The following MSRA variants were observed in gnomAD, a reference collection of about 807,000 sequenced individuals.
MSRA encodes the protein methionine sulfoxide reductase A.
In MSRA, 54 loss-of-function variants were observed where a neutral mutation model predicts 31.3. That is an observed-to-expected ratio of 1.73 (90% CI 1.39 to 2.17). The LOEUF is 2.17. MSRA is among the 30% of genes most tolerant of loss of function. The probability of loss-of-function intolerance (pLI) is 0.00; values close to 1 mark genes in which losing one functional copy is unlikely to be tolerated. For synonymous variants in MSRA, 169 were observed against 116.5 expected (o/e 1.45, Z -2.90); for missense variants, 507 against 300.9 (o/e 1.69, Z -5.07).
intron 1 of MSRA, among the ~76,000 whole-genome samples, chr8:10,131,096 T>G (rs991929181): frequency 1.3e-5 from 2 of 152,216 alleles, no homozygotes; most frequent in Non-Finnish European, 2.9e-5. Flanking sequence ...TTCCTTTGTT[T>G]CTTATTTATT....
intron 1 of MSRA, among the ~76,000 whole-genome samples, chr8:10,068,283 C>A (rs1037761010): frequency 6.6e-6 from 1 of 152,092 alleles, no homozygotes; most frequent in African/African-American, 2.4e-5. Flanking sequence ...TTCTTATCTT[C>A]TTGACAGTAT....
intron 2 of MSRA, among the ~76,000 whole-genome samples, chr8:10,241,483 C>T (rs1038162027): frequency 2.0e-5 from 3 of 152,140 alleles, no homozygotes; most frequent in Non-Finnish European, 4.4e-5. Flanking sequence ...ATAGCAAGTT[C>T]GTCATCTTGA....
chr8:10,085,803 T>A (rs527237642), intron 1 of MSRA, among the ~76,000 whole-genome samples: 1 of 152,362 alleles, frequency 6.6e-6, no homozygotes, highest in South Asian at 2.1e-4. Flanking sequence ...TCCATAGTTA[T>A]CTTTTTAAAG....
chr8:10,317,690 C>G (rs1426638879), intron 4 of MSRA, among the ~76,000 whole-genome samples: 1 of 152,158 alleles, frequency 6.6e-6, no homozygotes, highest in African/African-American at 2.4e-5. Flanking sequence ...ACTGAAAGTC[C>G]ACTGCTTGCT....
chr8:10,391,792 C>T (rs1375601988), intron 5 of MSRA, among the ~76,000 whole-genome samples: 2 of 152,162 alleles, frequency 1.3e-5, no homozygotes, highest in African/African-American at 2.4e-5. Context: ...CTTCATTTGT[C>T]CCACGTGAAG....
chr8:10,136,203 C>A (rs1208471528), intron 1 of MSRA, among the ~76,000 whole-genome samples: 1 of 152,212 alleles, frequency 6.6e-6, no homozygotes, highest in African/African-American at 2.4e-5. Context: ...CAGAGAGGAG[C>A]TCTGCGGTGC....
rs374345620 is a variant in MSRA at position 10,145,827 on chromosome 8, C to CGT, written c.143-61991_143-61990dup. ...AGATGTACATACACCCGCATCTGCA[C>CGT]GTGTGTGTGTGTGTGTAATGATTTT... On this transcript the variant is annotated intron_variant, in intron 1 of 5. Coordinates refer to ENST00000317173, the MANE Select transcript of MSRA (RefSeq NM_012331.5). 9.8e-3 allele frequency among the ~76,000 whole-genome samples: 1,479 copies of CGT among 151,402 alleles called. 20 individuals are homozygous for CGT. The highest frequency in any genetic ancestry group is 0.03 in the African/African-American group (1,220 of 41,294).
intron 2 of MSRA, among the ~76,000 whole-genome samples, chr8:10,242,932 C>G (rs1275992149): frequency 3.3e-5 from 5 of 152,216 alleles, no homozygotes; most frequent in Non-Finnish European, 1.5e-5. Flanking sequence ...ACCCCAGACC[C>G]TTGCCCACCT....
chr8:10,311,671 G>C (rs1197854590), intron 4 of MSRA, among the ~76,000 whole-genome samples: 1 of 152,074 alleles, frequency 6.6e-6, no homozygotes, highest in Non-Finnish European at 1.5e-5. Context: ...CCAGCGTTTT[G>C]GGAGGCCAAG....
chr8:10,244,065 C>G (rs1381704658), intron 2 of MSRA, among the ~76,000 whole-genome samples: 1 of 152,110 alleles, frequency 6.6e-6, no homozygotes, highest in Non-Finnish European at 1.5e-5. Context: ...TCTAATTTAT[C>G]TTTCAGCTCT....
intron 5 of MSRA, among the ~76,000 whole-genome samples, chr8:10,374,333 C>T (rs1013839121): frequency 6.6e-6 from 1 of 152,086 alleles, no homozygotes; most frequent in Admixed American, 6.6e-5. Flanking sequence ...GCTGCACCAG[C>T]GGGAGTGGGA....
intron 5 of MSRA, among the ~76,000 whole-genome samples, chr8:10,324,237 A>G (rs1802230857): frequency 6.6e-6 from 1 of 152,162 alleles, no homozygotes; most frequent in African/African-American, 2.4e-5. Context: ...GAATCTTTTA[A>G]TTAATTTACA....
intron 4 of MSRA, among the ~76,000 whole-genome samples, chr8:10,316,738 T>G (rs1050167898): frequency 4.6e-5 from 7 of 152,210 alleles, no homozygotes; most frequent in Non-Finnish European, 1.0e-4. Flanking sequence ...TCATAGGGCT[T>G]GTCTCAAACA....
chr8:10,265,865 A>G (rs1285922629), intron 3 of MSRA, among the ~76,000 whole-genome samples: 1 of 152,100 alleles, frequency 6.6e-6, no homozygotes, highest in Non-Finnish European at 1.5e-5. Context: ...AATCACACAG[A>G]TTTCTTTTTG....
intron 1 of MSRA, among the ~76,000 whole-genome samples, chr8:10,116,427 C>G (rs1353339508): frequency 2.6e-5 from 4 of 152,230 alleles, no homozygotes; most frequent in Middle Eastern, 3.4e-3. Flanking sequence ...AAAAGTAATT[C>G]GTTTGATAAG....
intron 5 of MSRA, among the ~76,000 whole-genome samples, chr8:10,340,268 T>G (rs893745197): frequency 6.6e-6 from 1 of 152,116 alleles, no homozygotes; most frequent in Admixed American, 6.5e-5. Context: ...CTTTTATGGG[T>G]TAATACCACC....
intron 2 of MSRA, among the ~76,000 whole-genome samples, chr8:10,244,487 C>A (rs1016744966): frequency 1.3e-5 from 2 of 152,162 alleles, no homozygotes; most frequent in Admixed American, 6.5e-5. Flanking sequence ...CTCTCCCTGC[C>A]TCCCTTCCAA....
At chr8:10,310,148 G>A (rs959463425) in intron 4 of MSRA, among the ~76,000 whole-genome samples, 1 of 152,112 alleles carries the variant, frequency 6.6e-6, no homozygotes, top group South Asian at 2.1e-4. Flanking sequence ...CCATATACAA[G>A]GAATCTATCA....
chr8:10,220,648 C>T (rs551292626), intron 2 of MSRA, among the ~76,000 whole-genome samples: 45 of 152,298 alleles, frequency 3.0e-4, no homozygotes, highest in Non-Finnish European at 5.7e-4. Flanking sequence ...CATAATTCTG[C>T]CACTTGTCAG....
Sources: allele counts gnomAD v4.1 joint callset (sites outside exome capture counted in the v4.1 genomes callset), GRCh38; gene constraint gnomAD v4.1.1; transcripts MANE v1.5; gene names NCBI Gene and HGNC (gene_info 2026-07-23, HGNC 2026-07-21).